The following SLC37A3 variants were observed in gnomAD, a reference collection of about 807,000 sequenced individuals.
SLC37A3 encodes solute carrier family 37 member 3, also known as sugar phosphate exchanger 3.
A neutral mutation model predicts 67.1 loss-of-function variants in SLC37A3; 51 were observed. The ratio of observed to expected loss-of-function variants is 0.76; its 90% confidence interval spans 0.61 to 0.96. SLC37A3 has a LOEUF of 0.96. Ranked by LOEUF, SLC37A3 falls within the 40% of genes least tolerant of loss-of-function variation. SLC37A3 has a pLI of 0.00. For missense variants in SLC37A3, 508 were observed against 603.0 expected (o/e 0.84, Z 1.65); for synonymous variants, 214 against 231.4 (o/e 0.92, Z 0.68).
intron 12 of SLC37A3, 111 bp from the exon 13 acceptor site, chr7:140,343,674 GA>G (rs999495783): frequency 3.9e-5 from 42 of 1,070,310 alleles, no homozygotes; most frequent in Admixed American, 8.3e-5. Context: ...GAGAGAAGTG[GA>G]AAAAAAAGGA....
intron 7 of SLC37A3, among the ~76,000 whole-genome samples, chr7:140,352,592 C>T (rs1055077703): frequency 1.4e-4 from 21 of 152,054 alleles, no homozygotes; most frequent in Admixed American, 8.5e-4. Flanking sequence ...GAAACATATA[C>T]GGGAATCCAG....
chr7:140,397,721 G>T (rs565282227), intron 1 of SLC37A3, among the ~76,000 whole-genome samples: 66 of 152,100 alleles, frequency 4.3e-4, no homozygotes, highest in African/African-American at 1.6e-3. Context: ...GAATGATTTT[G>T]CTCACCCCAG....
rs1797710965 is a variant in SLC37A3 at position 140,368,878 on chromosome 7, TC to T, written c.291+711del. The stretch of plus-strand genomic sequence containing the variant: ...CTCCAAAACACCGCTAAAATCTACT[TC>T]CCCCCAACCTCTATTACTGTTGCGC... On this transcript the variant is annotated intron_variant, in intron 4 of 14. Transcript: ENST00000326232. 2.0e-5 allele frequency among the ~76,000 whole-genome samples: 3 copies of T among 151,924 alleles called. No homozygotes were observed. In the South Asian group the frequency reaches 6.3e-4, roughly 32 times the overall value.
At chr7:140,386,097 A>G (rs1160011339) in intron 1 of SLC37A3, among the ~76,000 whole-genome samples, 1 of 151,424 alleles carries the variant, frequency 6.6e-6, no homozygotes, top group Non-Finnish European at 1.5e-5. Context: ...TTATTTATTT[A>G]TTTATTTATT....
chr7:140,360,598 G>T (rs888727565), intron 5 of SLC37A3, among the ~76,000 whole-genome samples: 1 of 151,662 alleles, frequency 6.6e-6, no homozygotes, highest in East Asian at 1.9e-4. Flanking sequence ...GCCGGGAATG[G>T]TGGTGCACAC....
rs539425434 is a variant in SLC37A3, at chr7:140,335,051, C to G, written c.*361G>C. The stretch of plus-strand genomic sequence containing the variant: ...CACGCGTGGCTTTGCCTCCTGTTCA[C>G]TCCATTTTCAAGGCTAGAGAAAGTT... On this transcript the variant is annotated 3_prime_UTR_variant, in exon 15 of 15. Coordinates refer to ENST00000326232, the MANE Select transcript of SLC37A3 (RefSeq NM_207113.3). 3 of 638,794 alleles carry G rather than the reference C, an allele frequency of 4.7e-6. No individual in the cohort carries two copies. Among genetic ancestry groups the G allele is most frequent in the Non-Finnish European group, 7.9e-6 (3 of 381,804 alleles). 39.6% of individuals were successfully genotyped at this position (638,794 alleles called of 1,614,324 possible). A position where few individuals can be genotyped will look rare whatever the true frequency, so the allele number is the denominator to read the frequency against.
chr7:140,351,503 G>A (rs1359829531), intron 8 of SLC37A3, 52 bp from the exon 9 acceptor site: 1 of 1,539,566 alleles, frequency 6.5e-7, no homozygotes, highest in East Asian at 2.3e-5. Context: ...ACGTGTGAAG[G>A]GCTCTGCATA....
At chr7:140,396,461 A>G (rs1321046861) in intron 1 of SLC37A3, among the ~76,000 whole-genome samples, 4 of 152,178 alleles carry the variant, frequency 2.6e-5, no homozygotes, top group Non-Finnish European at 4.4e-5. Flanking sequence ...ACAGGCATAA[A>G]ATACTTGGCA....
At chr7:140,369,947 C>T (rs1278620960) in intron 3 of SLC37A3, among the ~76,000 whole-genome samples, 1 of 152,078 alleles carries the variant, frequency 6.6e-6, no homozygotes, top group Non-Finnish European at 1.5e-5. Flanking sequence ...CCTGTCTCTA[C>T]TAAAAATACA....
chr7:140,392,450 C>T (rs556242420), intron 1 of SLC37A3, among the ~76,000 whole-genome samples: 66 of 152,302 alleles, frequency 4.3e-4, no homozygotes, highest in African/African-American at 1.5e-3. Flanking sequence ...CCCAGCCTCT[C>T]GGTTCTGGTC....
At position 140,388,082 on chromosome 7, in the gene SLC37A3, A is replaced by ATCCTTTGGCC. The variant is rs1798577369; in HGVS notation, c.-70-5487_-70-5486insGGCCAAAGGA. ...TGAAATTTTGTATCCTTTGGCCAAC[A>ATCCTTTGGCC]TCTCCCCAAACCCCCATTAGAATTA... On this transcript the variant is annotated intron_variant, in intron 1 of 14. Coordinates refer to ENST00000326232, the MANE Select transcript of SLC37A3 (RefSeq NM_207113.3). 2.0e-5 allele frequency among the ~76,000 whole-genome samples: 3 copies of ATCCTTTGGCC among 149,238 alleles called. No individual in the cohort carries two copies. The Admixed American group carries it at 2.1e-4, about 10-fold the overall frequency.
chr7:140,356,682 C>G (rs1368415966), intron 6 of SLC37A3, among the ~76,000 whole-genome samples: 2 of 151,918 alleles, frequency 1.3e-5, no homozygotes, highest in African/African-American at 4.8e-5. Flanking sequence ...GACCCTGTTT[C>G]AAAAGCAAAA....
intron 4 of SLC37A3, among the ~76,000 whole-genome samples, chr7:140,367,955 G>C (rs1352458694): frequency 6.6e-6 from 1 of 151,916 alleles, no homozygotes; most frequent in Non-Finnish European, 1.5e-5. Context: ...AAGTAGCTGG[G>C]ACTACAGGCA....
chr7:140,335,598 T>G, intron 14 of SLC37A3, 94 bp from the exon 15 acceptor site: 2 of 1,427,860 alleles, frequency 1.4e-6, no homozygotes, highest in African/African-American at 2.8e-5. Flanking sequence ...GACAATTACA[T>G]TCATTTTGAC....
At chr7:140,346,409 G>A (rs929880935) in intron 10 of SLC37A3, among the ~76,000 whole-genome samples, 1 of 151,944 alleles carries the variant, frequency 6.6e-6, no homozygotes, top group Non-Finnish European at 1.5e-5. Context: ...TCCCTGAAAA[G>A]GGGTCCTCCA....
intron 3 of SLC37A3, 30 bp downstream of exon 3, chr7:140,380,252 C>T (rs769276359): frequency 4.9e-6 from 7 of 1,436,470 alleles, no homozygotes; most frequent in Non-Finnish European, 6.8e-6. Context: ...TCTCCTACTT[C>T]GATCCATCCC....
chr7:140,356,251 A>G (rs1347974829), intron 6 of SLC37A3, among the ~76,000 whole-genome samples: 2 of 152,144 alleles, frequency 1.3e-5, no homozygotes, highest in African/African-American at 4.8e-5. Flanking sequence ...AAACTCAGTA[A>G]AATATGACAA....
chr7:140,362,659 G>A (rs1309638003), intron 5 of SLC37A3, among the ~76,000 whole-genome samples: 4 of 54,146 alleles, frequency 7.4e-5, no homozygotes, highest in East Asian at 1.1e-3. Context: ...CAGCCGCCCC[G>A]TCCGGGAGGG....
At chr7:140,363,740 C>CAAAAAAAAAAA (rs71170980) in intron 5 of SLC37A3, among the ~76,000 whole-genome samples, 1 of 107,860 alleles carries the variant, frequency 9.3e-6, no homozygotes, top group Non-Finnish European at 1.8e-5. Context: ...AACTCCGCCT[C>CAAAAAAAAAAA]AAAAAAAAAA....
Sources: gnomAD v4.1 joint callset for allele counts (sites outside exome capture counted in the v4.1 genomes callset) on GRCh38, gnomAD v4.1.1 for gene constraint, MANE v1.5 for transcripts, NCBI Gene and HGNC (gene_info 2026-07-23, HGNC 2026-07-21) for gene names.